SPDL1: variants seen among roughly 807,000 people sequenced by gnomAD.
The protein encoded by SPDL1 is protein Spindly.
A neutral mutation model predicts 79.5 loss-of-function variants in SPDL1; 85 were observed. That is an observed-to-expected ratio of 1.07 (90% CI 0.90 to 1.28). The LOEUF is 1.28. SPDL1 is among the 50% of genes most tolerant of loss of function. The probability of loss-of-function intolerance (pLI) is 0.00; values close to 1 mark genes in which losing one functional copy is unlikely to be tolerated. For synonymous variants in SPDL1, 269 were observed against 240.3 expected (o/e 1.12, Z -1.10); for missense variants, 703 against 697.8 (o/e 1.01, Z -0.08).
At chr5:169,593,049 C>G (rs553352096) in intron 3 of SPDL1, among the ~76,000 whole-genome samples, 50 of 152,194 alleles carry the variant, frequency 3.3e-4, no homozygotes, top group African/African-American at 1.2e-3. Flanking sequence ...GCCTTCTGAC[C>G]AGGTTGCTTG....
chr5:169,601,798 C>T, intron 11 of SPDL1, 173 bp downstream of exon 11: 4 of 720,062 alleles, frequency 5.6e-6, no homozygotes, highest in South Asian at 4.5e-5. Flanking sequence ...AAAGACTAAA[C>T]TGATTGCAAA....
At chr5:169,584,819 C>G (rs1253156725) in intron 1 of SPDL1, among the ~76,000 whole-genome samples, 1 of 152,134 alleles carries the variant, frequency 6.6e-6, no homozygotes, top group African/African-American at 2.4e-5. Context: ...TACCTTCAAC[C>G]TCTTGAAGTT....
At chr5:169,590,920 T>C in intron 2 of SPDL1, 128 bp from the exon 3 acceptor site, 3 of 836,704 alleles carry the variant, frequency 3.6e-6, no homozygotes, top group Non-Finnish European at 5.9e-6. Context: ...AGGTTTAACA[T>C]GTCTTCGTTA....
At chr5:169,590,795 A>C (rs1465504814) in intron 2 of SPDL1, 5 of 530,068 alleles carry the variant, frequency 9.4e-6, no homozygotes, top group South Asian at 7.7e-5. Flanking sequence ...CATGGAGCAC[A>C]TTTTACTTCC....
In SPDL1 at chr5:169,593,410, G is replaced by T; in HGVS notation, c.393G>T (p.Lys131Asn). Residue 131 changes from lysine to asparagine, a missense_variant, in exon 4 of 12, where the codon AAG becomes AAT. Lys to Asn is a moderately conservative substitution (Grantham distance 94). Transcript: ENST00000265295. ...CCAGGCTTAGTGAAAAGCAGCTGAA[G>T]CACCAAGTAGATCATCAGAAGGAAC... is the stretch of plus-strand genomic sequence containing the variant. ...DEARLSEKQL[K>N]HQVDHQKELL... 1 of 1,613,756 alleles carries T rather than the reference G, an allele frequency of 6.2e-7. No homozygotes were observed. The highest frequency in any genetic ancestry group is 8.5e-7 in the Non-Finnish European group (1 of 1,179,888).
At chr5:169,592,756 G>A (rs1197151643) in intron 3 of SPDL1, among the ~76,000 whole-genome samples, 1 of 143,384 alleles carries the variant, frequency 7.0e-6, no homozygotes, top group African/African-American at 2.5e-5. Flanking sequence ...ACAAAAAAGA[G>A]TAATAAAGGG....
Position 169,593,566 on chromosome 5 carries a change from T to G in SPDL1, c.531+18T>G, listed in dbSNP as rs1057185346. ...GTATGAAGGTAATTTTTATGGCATG[T>G]GTTTCTCAGGGTTTTCTCTTTTTTT... On this transcript the variant is annotated intron_variant, in intron 4 of 11. Coordinates refer to ENST00000265295, the MANE Select transcript of SPDL1 (RefSeq NM_017785.5). The G allele has an allele frequency of 1.9e-6, 3 of 1,543,964 alleles. No individual in the cohort carries two copies. Among genetic ancestry groups the G allele is most frequent in the Non-Finnish European group, 2.6e-6 (3 of 1,146,650 alleles).
Position 169,588,407 on chromosome 5 carries a change from A to AT in SPDL1, c.-10_-9insT. On this transcript the variant is annotated 5_prime_UTR_variant, in exon 2 of 12. In the 5' UTR this introduces an upstream ATG that the reference lacks. Transcript: ENST00000265295. The stretch of plus-strand genomic sequence containing the variant: ...CTCTATTTACAGTTGGCTAAAAAAA[A>AT]GAAAAGAACATGGAGGCAGATATAA... 6.3e-7 allele frequency: 1 copy of AT among 1,590,250 alleles called. No homozygotes were observed. Among genetic ancestry groups the AT allele is most frequent in the East Asian group, 2.2e-5 (1 of 44,620 alleles).
In SPDL1 at chr5:169,591,161, G is replaced by T; in HGVS notation, c.273G>T (p.Leu91=). The change falls in exon 3 of 12, where the codon CTG becomes CTT. Residue 91 remains leucine, a synonymous_variant. Transcript: ENST00000265295. ...TTAAACAACAACAAAAAATGCACCT[G>T]GAGAAATTGGAAGAACAACTAAGCA... ...EAIKQQQKMH[L]EKLEEQLSRS... is the part of the protein sequence containing the mutation. 1 of 1,613,998 alleles carries T rather than the reference G, an allele frequency of 6.2e-7. No individual in the cohort carries two copies. The highest frequency in any genetic ancestry group is 8.5e-7 in the Non-Finnish European group (1 of 1,179,974).
Position 169,594,406 on chromosome 5 carries a change from G to A in SPDL1, c.694G>A (p.Ala232Thr). The change falls in exon 6 of 12, where the codon GCA becomes ACA. Residue 232 changes from alanine to threonine, a missense_variant. Ala to Thr is a moderately conservative substitution (Grantham distance 58). Coordinates refer to ENST00000265295, the MANE Select transcript of SPDL1 (RefSeq NM_017785.5). ...CTTTTGAATTTAGAAAGCTCGTGTA[G>A]CAAATCAAGATCTTCAGGTACAGTT... ...YYNALEKARV[A>T]NQDLQVQLDQ... The A allele has an allele frequency of 6.2e-7, 1 of 1,614,046 alleles. No homozygotes were observed. The highest frequency in any genetic ancestry group is 8.5e-7 in the Non-Finnish European group (1 of 1,179,928).
intron 11 of SPDL1, chr5:169,601,876 A>G: frequency 1.8e-6 from 1 of 556,910 alleles, no homozygotes; most frequent in Non-Finnish European, 3.2e-6. Flanking sequence ...GAAAGGGAAT[A>G]TCACAGTTTA....
In SPDL1 at chr5:169,601,447, A is replaced by G; in HGVS notation, c.1492A>G (p.Asn498Asp). 6.2e-7 allele frequency: 1 copy of G among 1,614,182 alleles called. No individual in the cohort carries two copies. Residue 498 changes from asparagine (N) to aspartate (D), a missense_variant, in exon 11 of 12, where the codon AAC becomes GAC. Asn to Asp is a conservative substitution (Grantham distance 23). Transcript: ENST00000265295. ...CTGCCCTAACAGTTTAGAAGATAAC[A>G]ACTTGCAATTAGAAAAATCAGTTTC... ...QSCPNSLEDN[N>D]LQLEKSVSIY... is the part of the protein sequence containing the mutation.
Position 169,596,813 on chromosome 5 carries a change from G to A in SPDL1, c.1032+112G>A, listed in dbSNP as rs1755611020. The A allele has an allele frequency of 1.1e-5, 10 of 877,012 alleles. No homozygotes were observed. In the South Asian group the frequency reaches 2.0e-4, roughly 17 times the overall value. The allele number at this position is 877,012 out of a possible 1,614,324, so 54.3% of individuals were successfully genotyped here. ...ATAAATATCTTGTGGGAGATACTTTGAGACTAAGTAAATGGCTGTTTCTCC... is the reference window on the plus strand; with the variant it reads ...ATAAATATCTTGTGGGAGATACTTTAAGACTAAGTAAATGGCTGTTTCTCC... On this transcript the variant is annotated intron_variant, in intron 8 of 11. Transcript: ENST00000265295.
intron 3 of SPDL1, 122 bp downstream of exon 3, chr5:169,591,346 A>G (rs951697754): frequency 1.1e-6 from 1 of 921,342 alleles, no homozygotes; most frequent in Non-Finnish European, 1.6e-6. Context: ...CTAAGTCTTC[A>G]TTATCTTAAT....
At position 169,594,354 on chromosome 5, in the gene SPDL1, T is replaced by G. The variant is rs368898632; in HGVS notation, c.682-40T>G. ...TTATCATAACTTATTTTCTTGCTAATGTAATCTCTGTTGCCTAAATTGTTT... is the reference window on the plus strand; with the variant it reads ...TTATCATAACTTATTTTCTTGCTAAGGTAATCTCTGTTGCCTAAATTGTTT... On this transcript the variant is annotated intron_variant, in intron 5 of 11. Coordinates refer to ENST00000265295, the MANE Select transcript of SPDL1 (RefSeq NM_017785.5). 3.4e-4 allele frequency: 550 copies of G among 1,612,320 alleles called. 4 individuals are homozygous for G. The highest frequency in any genetic ancestry group is 3.1e-3 in the Middle Eastern group (19 of 6,058).
intron 11 of SPDL1, among the ~76,000 whole-genome samples, chr5:169,603,033 A>C (rs1327232755): frequency 6.6e-6 from 1 of 152,126 alleles, no homozygotes; most frequent in African/African-American, 2.4e-5. Flanking sequence ...GTATGTGGCT[A>C]ATTGACTCAA....
intron 10 of SPDL1, among the ~76,000 whole-genome samples, chr5:169,600,303 CTT>C (rs879646345): frequency 3.9e-5 from 6 of 152,186 alleles, no homozygotes; most frequent in Admixed American, 2.6e-4. Context: ...GCTCTTAACT[CTT>C]TTTGTTTCTT....
chr5:169,594,415 G>T lies in SPDL1; in HGVS notation c.703G>T (p.Asp235Tyr). Residue 235 changes from aspartate to tyrosine, a missense_variant, in exon 6 of 12, where the codon GAT becomes TAT. Transcript: ENST00000265295. ...ALEKARVANQDLQVQLDQALQ... is the reference protein window; with the variant it reads ...ALEKARVANQYLQVQLDQALQ... ...TTAGAAAGCTCGTGTAGCAAATCAA[G>T]ATCTTCAGGTACAGTTGGACCAGGC... The T allele has an allele frequency of 6.2e-7, 1 of 1,614,074 alleles. No homozygotes were observed. The highest frequency in any genetic ancestry group is 8.5e-7 in the Non-Finnish European group (1 of 1,179,946).
intron 10 of SPDL1, among the ~76,000 whole-genome samples, chr5:169,601,027 C>T (rs1731394645): frequency 6.6e-6 from 1 of 152,122 alleles, no homozygotes; most frequent in Non-Finnish European, 1.5e-5. Context: ...AACAGTGAAG[C>T]ATTCATGCCT....
Sources: gnomAD v4.1 joint callset for allele counts (sites outside exome capture counted in the v4.1 genomes callset) on GRCh38, gnomAD v4.1.1 for gene constraint, MANE v1.5 for transcripts, NCBI Gene and HGNC (gene_info 2026-07-23, HGNC 2026-07-21) for gene names.